OTOF: variants seen among roughly 807,000 people sequenced by gnomAD.
The protein encoded by OTOF is otoferlin.
In OTOF, 218 loss-of-function variants were observed where a neutral mutation model predicts 236.8. That is an observed-to-expected ratio of 0.92 (90% CI 0.82 to 1.03). The LOEUF (loss-of-function observed/expected upper bound fraction) is 1.03. Among genes scored for constraint, OTOF ranks in the 50% least tolerant of loss-of-function variants. The pLI, the probability that OTOF is intolerant of heterozygous loss-of-function variation, is 0.00. For synonymous variants in OTOF, 1,041 were observed against 1,072.5 expected (o/e 0.97, Z 0.57); for missense variants, 2,590 against 2,694.4 (o/e 0.96, Z 0.86).
chr2:26,522,947 G>A (rs1666712697), intron 3 of OTOF, among the ~76,000 whole-genome samples: 2 of 152,256 alleles, frequency 1.3e-5, no homozygotes, highest in South Asian at 2.1e-4. Context: ...GCTGGGCAGA[G>A]CTAAGATCCC....
chr2:26,530,595 C>T (rs1435761973), intron 2 of OTOF, among the ~76,000 whole-genome samples: 1 of 152,186 alleles, frequency 6.6e-6, no homozygotes, highest in African/African-American at 2.4e-5. Flanking sequence ...CCTCCCCTGT[C>T]TCCCTCCCGC....
In OTOF at chr2:26,523,866, T is replaced by C. The variant is rs545277908; in HGVS notation, c.227+3966A>G. 1.1e-4 allele frequency among the ~76,000 whole-genome samples: 16 copies of C among 152,346 alleles called. No individual in the cohort carries two copies. The East Asian group carries it at 3.1e-3, about 29-fold the overall frequency. Reference sequence around the variant, plus strand: ...CATGTGGGGGTTGAGGGCAGTGGCCTCATTGCTCCTCTGGCCTGGCCCAGG... The same window carrying C: ...CATGTGGGGGTTGAGGGCAGTGGCCCCATTGCTCCTCTGGCCTGGCCCAGG... On this transcript the variant is annotated intron_variant, in intron 3 of 46. Transcript: ENST00000272371.
rs181421305 is a variant in OTOF at position 26,513,016 on chromosome 2, C to T, written c.509+3402G>A. On this transcript the variant is annotated intron_variant, in intron 5 of 46. Transcript: ENST00000272371. ...TTACCGGGGGCATTGTGCAAAAAGC[C>T]GGCAGAAATCAGGGCTTCGTGGCAG... Among the ~76,000 whole-genome samples the T allele has an allele frequency of 1.2e-4, 19 of 152,248 alleles. No homozygotes were observed. The East Asian group carries it at 2.1e-3, about 17-fold the overall frequency.
rs568139387 is a variant in OTOF at position 26,470,790 on chromosome 2, C to G, written c.3895-69G>C. On this transcript the variant is annotated intron_variant, in intron 31 of 46. Transcript: ENST00000272371. This position sits in a 1 kb window ranked among gnomAD's most constrained non-coding sequence, Gnocchi z 4.3. ...CCTGGACAATCCCGAGAGCCTCCACCCATTCCGCCATCTGTCAGCAGGAAG... is the reference window on the plus strand; with the variant it reads ...CCTGGACAATCCCGAGAGCCTCCACGCATTCCGCCATCTGTCAGCAGGAAG... 6.3e-7 allele frequency: 1 copy of G among 1,577,482 alleles called. No individual in the cohort carries two copies. Among genetic ancestry groups the G allele is most frequent in the African/African-American group, 1.3e-5 (1 of 74,136 alleles).
chr2:26,546,748 G>GTTTTTTTTTT (rs35627471), intron 1 of OTOF, among the ~76,000 whole-genome samples: 1 of 142,138 alleles, frequency 7.0e-6, no homozygotes, highest in African/African-American at 2.6e-5. Context: ...TACATGTTTG[G>GTTTTTTTTTT]TTTTTTTTTT....
chr2:26,520,797 G>A lies in OTOF; in HGVS notation c.228-1688C>T, dbSNP rs141534998. Among the ~76,000 whole-genome samples, 232 of 152,292 alleles carry A rather than the reference G, an allele frequency of 1.5e-3. 2 individuals carry two copies. Among genetic ancestry groups the A allele is most frequent in the African/African-American group, 5.3e-3 (220 of 41,550 alleles). On this transcript the variant is annotated intron_variant, in intron 3 of 46. Coordinates refer to ENST00000272371, the MANE Select transcript of OTOF (RefSeq NM_194248.3). ...TGTAGACATTCTAACAGTAGACCACGGGCACGAAAAAATACACTCATCTTT... is the reference window on the plus strand; with the variant it reads ...TGTAGACATTCTAACAGTAGACCACAGGCACGAAAAAATACACTCATCTTT...
chr2:26,524,357 A>G (rs1162963095), intron 3 of OTOF, among the ~76,000 whole-genome samples: 2 of 152,090 alleles, frequency 1.3e-5, no homozygotes, highest in African/African-American at 4.8e-5. Context: ...AAAAATACAA[A>G]AATTATCCAG....
chr2:26,493,887 C>T (rs13405047), intron 9 of OTOF, among the ~76,000 whole-genome samples: 2,375 of 152,282 alleles, frequency 0.016, 62 homozygotes, highest in African/African-American at 0.053. Context: ...GTTGTGACTG[C>T]CCCAGGGGTG....
Position 26,488,269 on chromosome 2 carries a change from A to G in OTOF, c.1045+942T>C, listed in dbSNP as rs547101475. Among the ~76,000 whole-genome samples, 5 of 152,256 alleles carry G rather than the reference A, an allele frequency of 3.3e-5. No individual in the cohort carries two copies. The East Asian group carries it at 9.7e-4, about 29-fold the overall frequency. On this transcript the variant is annotated intron_variant, in intron 11 of 46. Transcript: ENST00000272371. ...AATGGGAAGAAATGCTGCTGCCTAC[A>G]TTACTGTTTTGTGAGGGCCCAATGT...
chr2:26,539,847 CAAACA>C (rs1158560174), intron 1 of OTOF, among the ~76,000 whole-genome samples: 5 of 152,152 alleles, frequency 3.3e-5, no homozygotes, highest in African/African-American at 7.2e-5. Flanking sequence ...GGCTGAAAGA[CAAACA>C]AAACAAAACA....
At position 26,476,784 on chromosome 2, in the gene OTOF, C is replaced by A; in HGVS notation, c.2676+107G>T. 3 of 949,642 alleles carry A rather than the reference C, an allele frequency of 3.2e-6. No individual in the cohort carries two copies. The Admixed American group carries it at 5.3e-5, about 17-fold the overall frequency. 58.8% of individuals were successfully genotyped at this position (949,642 alleles called of 1,614,324 possible). A position where few individuals can be genotyped will look rare whatever the true frequency, so the allele number is the denominator to read the frequency against. ...CCATTCTTGGCTCTTCTCTGAGCACCTGCTGCTTGAAGGCCCCACCCTGTC... is the reference window on the plus strand; with the variant it reads ...CCATTCTTGGCTCTTCTCTGAGCACATGCTGCTTGAAGGCCCCACCCTGTC... On this transcript the variant is annotated intron_variant, in intron 22 of 46. Coordinates refer to ENST00000272371, the MANE Select transcript of OTOF (RefSeq NM_194248.3).
chr2:26,483,777 A>T lies in OTOF; in HGVS notation c.1206-129T>A. Reference sequence around the variant, plus strand: ...GCTGAGGGAGCAAGGCTAGGATTAGACACTTGTGTTCACGGAACTTGCCCC... The same window carrying T: ...GCTGAGGGAGCAAGGCTAGGATTAGTCACTTGTGTTCACGGAACTTGCCCC... On this transcript the variant is annotated intron_variant, in intron 12 of 46. Coordinates refer to ENST00000272371, the MANE Select transcript of OTOF (RefSeq NM_194248.3). 4 of 776,436 alleles carry T rather than the reference A, an allele frequency of 5.2e-6. No individual in the cohort carries two copies. In the South Asian group the frequency reaches 7.0e-5, roughly 14 times the overall value. The allele number at this position is 776,436 out of a possible 1,614,324, so 48.1% of individuals were successfully genotyped here.
rs757781145 is a variant in OTOF at position 26,477,504 on chromosome 2, C to T, written c.2318G>A (p.Arg773His). 4.4e-6 allele frequency: 7 copies of T among 1,601,442 alleles called. No individual in the cohort carries two copies. The highest frequency in any genetic ancestry group is 2.3e-5 in the East Asian group (1 of 44,386). Residue 773 changes from arginine (R) to histidine (H), a missense_variant and splice_region_variant, in exon 20 of 47, where the codon CGC (arginine) becomes CAC (histidine). Physicochemically the swap from Arg to His is conservative, Grantham distance 29 (BLOSUM62 0). Transcript: ENST00000272371. The surrounding 1 kb of genome is among the most constrained non-coding windows in gnomAD (Gnocchi z 4.7). Reference sequence around the variant, plus strand: ...GTCCTTGTCAGCGAGGGAGAGGAAGCGGCTGGGGGTAGGGCGAGCCGGGGT... The same window carrying T: ...GTCCTTGTCAGCGAGGGAGAGGAAGTGGCTGGGGGTAGGGCGAGCCGGGGT... ...VLEELSCGCCRFLSLADKDQG... is the reference protein window; with the variant it reads ...VLEELSCGCCHFLSLADKDQG...
intron 5 of OTOF, among the ~76,000 whole-genome samples, chr2:26,510,340 A>G (rs1399986801): frequency 6.6e-6 from 1 of 151,698 alleles, no homozygotes; most frequent in Non-Finnish European, 1.5e-5. Context: ...TGAGGTCCTC[A>G]TGCCCCTCTC....
chr2:26,524,174 C>A (rs1242902752), intron 3 of OTOF, among the ~76,000 whole-genome samples: 1 of 152,260 alleles, frequency 6.6e-6, no homozygotes, highest in Non-Finnish European at 1.5e-5. Context: ...AGGATAGGAA[C>A]TATTCCCCTT....
chr2:26,491,515 C>A (rs1457535753), intron 9 of OTOF, among the ~76,000 whole-genome samples: 3 of 152,062 alleles, frequency 2.0e-5, no homozygotes, highest in African/African-American at 7.2e-5. Context: ...ACCTTATAGG[C>A]AAGGAAGAAG....
In OTOF at chr2:26,470,098, G is replaced by A. The variant is rs981776423; in HGVS notation, c.4023+495C>T. 7.2e-5 allele frequency among the ~76,000 whole-genome samples: 11 copies of A among 152,202 alleles called. No individual in the cohort carries two copies. The highest frequency in any genetic ancestry group is 8.8e-5 in the Non-Finnish European group (6 of 68,034). ...AAATAAAACATTATGAAGAAGAGTC[G>A]TAAGGACTACTGATAAGCAGTTGTT... On this transcript the variant is annotated intron_variant, in intron 32 of 46. Coordinates refer to ENST00000272371, the MANE Select transcript of OTOF (RefSeq NM_194248.3). The surrounding 1 kb of genome is among the most constrained non-coding windows in gnomAD (Gnocchi z 4.3).
intron 5 of OTOF, among the ~76,000 whole-genome samples, chr2:26,510,233 C>T (rs1300763632): frequency 6.6e-6 from 1 of 152,136 alleles, no homozygotes; most frequent in East Asian, 1.9e-4. Flanking sequence ...TCTCCAACTC[C>T]ACCCACGACC....
At chr2:26,548,605 A>C (rs1022888119) in intron 1 of OTOF, among the ~76,000 whole-genome samples, 6 of 152,346 alleles carry the variant, frequency 3.9e-5, no homozygotes, top group Admixed American at 2.0e-4. Context: ...GACCACTTGG[A>C]TATACAACAG....
Sources: gnomAD v4.1 joint callset for allele counts (sites outside exome capture counted in the v4.1 genomes callset) on GRCh38, gnomAD v4.1.1 for gene constraint, Gnocchi (gnomAD v3.1) non-coding constraint, MANE v1.5 for transcripts, NCBI Gene and HGNC (gene_info 2026-07-23, HGNC 2026-07-21) for gene names.